Variants in CNTN5 observed in about 807,000 individuals in gnomAD.
CNTN5 encodes the protein contactin 5.
In CNTN5, 77 loss-of-function variants were observed where a neutral mutation model predicts 129.1. The observed-to-expected ratio is 0.60, with a 90% CI of 0.50 to 0.72. The LOEUF is 0.72. Among genes scored for constraint, CNTN5 ranks in the 30% least tolerant of loss-of-function variants. CNTN5 has a pLI of 0.00. For missense variants in CNTN5, 1,478 were observed against 1,328.8 expected (o/e 1.11, Z -1.75); for synonymous variants, 509 against 465.6 (o/e 1.09, Z -1.20).
intron 8 of CNTN5, among the ~76,000 whole-genome samples, chr11:99,981,567 C>T (rs1203756008): frequency 6.6e-6 from 1 of 152,108 alleles, no homozygotes; most frequent in Admixed American, 6.5e-5. Context: ...CAAAATAATG[C>T]TTTACCACGT....
At chr11:99,796,566 G>A (rs1945948907) in intron 3 of CNTN5, among the ~76,000 whole-genome samples, 1 of 151,596 alleles carries the variant, frequency 6.6e-6, no homozygotes, top group African/African-American at 2.4e-5. Context: ...GCCCCCAGAA[G>A]GCACTCTGGC....
intron 3 of CNTN5, among the ~76,000 whole-genome samples, chr11:99,650,303 G>A (rs953218962): frequency 6.6e-6 from 1 of 151,886 alleles, no homozygotes; most frequent in Non-Finnish European, 1.5e-5. Flanking sequence ...CTAATGGGGA[G>A]TCAGATATTA....
intron 2 of CNTN5, among the ~76,000 whole-genome samples, chr11:99,475,307 A>T (rs1945329313): frequency 1.3e-5 from 2 of 152,200 alleles, no homozygotes; most frequent in African/African-American, 2.4e-5. Flanking sequence ...AAAGGCCCAC[A>T]TCAGATGCCA....
At chr11:100,057,022 G>T (rs1943260514) in intron 9 of CNTN5, among the ~76,000 whole-genome samples, 1 of 151,418 alleles carries the variant, frequency 6.6e-6, no homozygotes, top group Non-Finnish European at 1.5e-5. Flanking sequence ...ATTCTCAGCA[G>T]GTTCCTGAAA....
In CNTN5 at chr11:100,106,297, A is replaced by G. The variant is rs138168291; in HGVS notation, c.1580+32003A>G. On this transcript the variant is annotated intron_variant, in intron 13 of 24. Transcript: ENST00000524871. ...GCCACTAAATGGCACAGCAAGTTAT[A>G]AAATGCATTCTTAACCGGCATATGA... Among the ~76,000 whole-genome samples, 42 of 152,340 alleles carry G rather than the reference A, an allele frequency of 2.8e-4. No individual in the cohort carries two copies. The East Asian group carries it at 6.4e-3, about 23-fold the overall frequency.
At chr11:99,702,550 C>A (rs1591502037) in intron 3 of CNTN5, among the ~76,000 whole-genome samples, 1 of 150,888 alleles carries the variant, frequency 6.6e-6, no homozygotes, top group African/African-American at 2.4e-5. Context: ...TATTTAGATT[C>A]TTTTTCTAAT....
At chr11:99,941,571 A>AACACACACACACACAC (rs71305315) in intron 7 of CNTN5, among the ~76,000 whole-genome samples, 9 of 148,268 alleles carry the variant, frequency 6.1e-5, no homozygotes, top group Admixed American at 3.4e-4. Context: ...ACATAAGACA[A>AACACACACACACACAC]ACACACACAC....
chr11:100,086,742 T>A (rs1420286630), intron 13 of CNTN5, among the ~76,000 whole-genome samples: 2 of 151,470 alleles, frequency 1.3e-5, no homozygotes, highest in African/African-American at 4.8e-5. Flanking sequence ...ATGAATCATA[T>A]AATATTAACC....
At chr11:100,257,818 C>A (rs1285973518) in intron 17 of CNTN5, among the ~76,000 whole-genome samples, 1 of 152,142 alleles carries the variant, frequency 6.6e-6, no homozygotes, top group Non-Finnish European at 1.5e-5. Context: ...ATAGATAAAT[C>A]CACAAAGATG....
At chr11:99,912,360 G>T (rs1949683436) in intron 6 of CNTN5, among the ~76,000 whole-genome samples, 1 of 151,862 alleles carries the variant, frequency 6.6e-6, no homozygotes, top group South Asian at 2.1e-4. Context: ...TGAGGATTTG[G>T]GCTTATATAC....
chr11:99,096,927 A>T (rs1328576415), intron 1 of CNTN5, among the ~76,000 whole-genome samples: 1 of 151,902 alleles, frequency 6.6e-6, no homozygotes, highest in Non-Finnish European at 1.5e-5. Flanking sequence ...TGTAGTTCTC[A>T]ATTTATAAAT....
At chr11:100,286,094 G>C (rs925602832) in intron 18 of CNTN5, among the ~76,000 whole-genome samples, 33 of 152,320 alleles carry the variant, frequency 2.2e-4, no homozygotes, top group Admixed American at 7.2e-4. Context: ...GCACCTGGCT[G>C]GGAGGGTCCT....
intron 3 of CNTN5, among the ~76,000 whole-genome samples, chr11:99,610,992 T>C (rs1950577034): frequency 6.6e-6 from 1 of 152,196 alleles, no homozygotes; most frequent in South Asian, 2.1e-4. Context: ...AACTGCTTAC[T>C]AATGTAGTTG....
intron 4 of CNTN5, 43 bp downstream of exon 4, chr11:99,819,808 C>T: frequency 9.3e-6 from 6 of 647,116 alleles, no homozygotes; most frequent in Non-Finnish European, 9.6e-6. Context: ...ATAAAGGAGG[C>T]AAAGAAGACT....
intron 2 of CNTN5, among the ~76,000 whole-genome samples, chr11:99,460,294 T>G (rs1396488544): frequency 1.3e-5 from 2 of 151,472 alleles, no homozygotes; most frequent in Non-Finnish European, 3.0e-5. Context: ...TTAAGAAATA[T>G]TAATTATTTA....
intron 6 of CNTN5, among the ~76,000 whole-genome samples, chr11:99,909,785 G>A (rs1347916408): frequency 4.0e-5 from 6 of 151,896 alleles, no homozygotes; most frequent in Non-Finnish European, 8.8e-5. Context: ...CACAGGAAGG[G>A]GAACATCACA....
At chr11:99,155,017 C>T (rs909548377) in intron 1 of CNTN5, among the ~76,000 whole-genome samples, 2 of 152,120 alleles carry the variant, frequency 1.3e-5, no homozygotes, top group African/African-American at 4.8e-5. Flanking sequence ...CTAAGCAGCT[C>T]CCTCTGCCAA....
chr11:99,785,393 T>G (rs1443006450), intron 3 of CNTN5, among the ~76,000 whole-genome samples: 1 of 152,176 alleles, frequency 6.6e-6, no homozygotes, highest in African/African-American at 2.4e-5. Flanking sequence ...GTGCAGAAGC[T>G]CTTTAGTTTA....
chr11:99,049,783 T>C (rs545376999), intron 1 of CNTN5: 5 of 152,158 alleles, frequency 3.3e-5, no homozygotes, highest in Non-Finnish European at 5.9e-5. Flanking sequence ...ATATTTGGGC[T>C]CCTGTATATC....
Sources: allele counts gnomAD v4.1 joint callset (sites outside exome capture counted in the v4.1 genomes callset), GRCh38; gene constraint gnomAD v4.1.1; transcripts MANE v1.5; gene names NCBI Gene and HGNC (gene_info 2026-07-23, HGNC 2026-07-21).